CACNA2D1: variants seen among roughly 807,000 people sequenced by gnomAD.
CACNA2D1 encodes the protein voltage-dependent calcium channel subunit alpha-2/delta-1.
CACNA2D1 carries 53 observed loss-of-function variants against 171.5 expected under a neutral mutation model. The observed-to-expected ratio is 0.31, with a 90% CI of 0.25 to 0.39. The LOEUF is 0.39. CACNA2D1 is among the 10% of genes least tolerant of loss of function. The pLI is 1.00. For synonymous variants in CACNA2D1, 442 were observed against 443.1 expected (o/e 1.00, Z 0.03); for missense variants, 903 against 1,299.8 (o/e 0.69, Z 4.69).
chr7:82,143,080 A>G (rs258723), intron 4 of CACNA2D1, among the ~76,000 whole-genome samples: 59,973 of 151,928 alleles, frequency 0.39, 11,928 homozygotes, highest in East Asian at 0.46. Flanking sequence ...GAATGTGAGT[A>G]AATCATTTTC....
chr7:82,224,591 A>G (rs548308094), intron 3 of CACNA2D1, among the ~76,000 whole-genome samples: 1 of 152,274 alleles, frequency 6.6e-6, no homozygotes, highest in African/African-American at 2.4e-5. Context: ...CGAAAAAAAA[A>G]GAAAAAAGAA....
chr7:82,094,977 C>T (rs755970855), intron 6 of CACNA2D1, among the ~76,000 whole-genome samples: 2 of 152,030 alleles, frequency 1.3e-5, no homozygotes, highest in Non-Finnish European at 2.9e-5. Context: ...CAAATGTCTT[C>T]CCTAATTAAA....
chr7:82,015,943 A>T (rs1800389830), intron 12 of CACNA2D1, among the ~76,000 whole-genome samples: 1 of 152,174 alleles, frequency 6.6e-6, no homozygotes, highest in Non-Finnish European at 1.5e-5. Context: ...TACATCATCC[A>T]GGTTTGCCTT....
At position 82,180,872 on chromosome 7, in the gene CACNA2D1, CAGTG is replaced by C. The variant is rs1323619920; in HGVS notation, c.295-10267_295-10264del. Reference sequence around the variant, plus strand: ...AAATAGAGACAGAGACAGGCAGAGACAGTGAGGAGGATCTCTGGGACTATGCCTT... The same window carrying C: ...AAATAGAGACAGAGACAGGCAGAGACAGGAGGATCTCTGGGACTATGCCTT... On this transcript the variant is annotated intron_variant, in intron 3 of 38. Coordinates refer to ENST00000356860, the MANE Select transcript of CACNA2D1 (RefSeq NM_000722.4). Among the ~76,000 whole-genome samples, 3 of 151,734 alleles carry C rather than the reference CAGTG, an allele frequency of 2.0e-5. No individual in the cohort carries two copies. In the East Asian group the frequency reaches 5.9e-4, roughly 30 times the overall value.
At chr7:82,083,683 G>A (rs1161257881) in intron 7 of CACNA2D1, among the ~76,000 whole-genome samples, 1 of 151,782 alleles carries the variant, frequency 6.6e-6, no homozygotes, top group Non-Finnish European at 1.5e-5. Context: ...TTGGACTTAT[G>A]CGGAAAAAAA....
intron 1 of CACNA2D1, among the ~76,000 whole-genome samples, chr7:82,370,548 GGGAT>G (rs372328517): frequency 0.038 from 2,762 of 73,082 alleles, 74 homozygotes; most frequent in South Asian, 0.12. Context: ...GGTAAATGGA[GGGAT>G]GGATGGATGG....
At chr7:82,176,696 A>C (rs1469269902) in intron 3 of CACNA2D1, among the ~76,000 whole-genome samples, 1 of 151,752 alleles carries the variant, frequency 6.6e-6, no homozygotes, top group Non-Finnish European at 1.5e-5. Context: ...GGGAAAAGTT[A>C]TTTCTAGGAC....
intron 9 of CACNA2D1, among the ~76,000 whole-genome samples, chr7:82,061,355 C>A (rs989382168): frequency 7.9e-5 from 12 of 152,158 alleles, no homozygotes; most frequent in Admixed American, 4.6e-4. Context: ...TCTCCATCCT[C>A]ACTCCTCTCT....
At chr7:82,355,128 C>T (rs1329538962) in intron 1 of CACNA2D1, among the ~76,000 whole-genome samples, 2 of 152,154 alleles carry the variant, frequency 1.3e-5, no homozygotes, top group African/African-American at 4.8e-5. Context: ...ATACACATCA[C>T]ACTTTAAATC....
At chr7:82,183,741 T>C (rs1797378499) in intron 3 of CACNA2D1, among the ~76,000 whole-genome samples, 1 of 152,054 alleles carries the variant, frequency 6.6e-6, no homozygotes, top group Non-Finnish European at 1.5e-5. Flanking sequence ...ACAGGGTTCT[T>C]TTATTTTATG....
intron 35 of CACNA2D1, 85 bp from the exon 36 acceptor site, chr7:81,962,108 A>T: frequency 7.6e-7 from 1 of 1,309,134 alleles, no homozygotes; most frequent in South Asian, 1.2e-5. Context: ...TTCACTTCTC[A>T]CAGAGCAAAA....
At chr7:82,179,673 T>A (rs2129166837) in intron 3 of CACNA2D1, among the ~76,000 whole-genome samples, 1 of 152,242 alleles carries the variant, frequency 6.6e-6, no homozygotes, top group East Asian at 1.9e-4. Flanking sequence ...CATAATATAG[T>A]AAAAACAGCT....
At chr7:82,433,505 A>C (rs542881881) in intron 1 of CACNA2D1, among the ~76,000 whole-genome samples, 1 of 152,314 alleles carries the variant, frequency 6.6e-6, no homozygotes. Flanking sequence ...AATTATATCT[A>C]TCCTGTATTC....
chr7:82,084,913 A>G lies in CACNA2D1; in HGVS notation c.527-13T>C, dbSNP rs1810265883. ...AACACAATTGTTGCTAACAAAAAAG[A>G]GAGAAACCATTAATTAATTCAAATT... On this transcript the variant is annotated splice_polypyrimidine_tract_variant and intron_variant, in intron 6 of 38. Coordinates refer to ENST00000356860, the MANE Select transcript of CACNA2D1 (RefSeq NM_000722.4). 1.2e-6 allele frequency: 2 copies of G among 1,604,666 alleles called. No individual in the cohort carries two copies. Among genetic ancestry groups the G allele is most frequent in the East Asian group, 2.2e-5 (1 of 44,826 alleles).
At chr7:82,385,650 GTT>G (rs770608991) in intron 1 of CACNA2D1, among the ~76,000 whole-genome samples, 30 of 117,202 alleles carry the variant, frequency 2.6e-4, no homozygotes, top group Non-Finnish European at 3.7e-4. Flanking sequence ...TTTTTTGGTT[GTT>G]TTGTTTTGTT....
At chr7:82,281,871 C>T (rs6953238) in intron 3 of CACNA2D1, among the ~76,000 whole-genome samples, 17,567 of 151,992 alleles carry the variant, frequency 0.12, 1,548 homozygotes, top group African/African-American at 0.25. Context: ...TAATGTCATA[C>T]ATCCTGCAAT....
chr7:82,234,167 G>A (rs996708949), intron 3 of CACNA2D1, among the ~76,000 whole-genome samples: 3 of 151,946 alleles, frequency 2.0e-5, no homozygotes, highest in African/African-American at 7.2e-5. Context: ...TCTCTGAAAT[G>A]GTTCAAGATG....
At chr7:82,127,328 C>T (rs1359768618) in intron 5 of CACNA2D1, among the ~76,000 whole-genome samples, 2 of 152,136 alleles carry the variant, frequency 1.3e-5, no homozygotes, top group African/African-American at 2.4e-5. Flanking sequence ...TTATTATTTC[C>T]TCTCTTCATT....
At chr7:82,146,484 A>G (rs1026421420) in intron 4 of CACNA2D1, among the ~76,000 whole-genome samples, 2 of 143,408 alleles carry the variant, frequency 1.4e-5, no homozygotes, top group Non-Finnish European at 1.5e-5. Flanking sequence ...TTATATATAC[A>G]TATTTATATT....
Sources: gnomAD v4.1 joint callset for allele counts (sites outside exome capture counted in the v4.1 genomes callset) on GRCh38, gnomAD v4.1.1 for gene constraint, MANE v1.5 for transcripts, NCBI Gene and HGNC (gene_info 2026-07-23, HGNC 2026-07-21) for gene names.